The following AATK variants were observed in gnomAD, a reference collection of about 807,000 sequenced individuals.
The protein encoded by AATK is serine/threonine-protein kinase LMTK1.
Under a neutral mutation model 114.3 loss-of-function variants are expected in AATK, and 91 were observed. That is an observed-to-expected ratio of 0.80 (90% CI 0.67 to 0.95). The LOEUF (loss-of-function observed/expected upper bound fraction) is 0.95, where lower values mean the gene tolerates loss of function less well. AATK is among the 40% of genes least tolerant of loss of function. The probability of loss-of-function intolerance (pLI) is 0.00; values close to 1 mark genes in which losing one functional copy is unlikely to be tolerated. For synonymous variants in AATK, 1,075 were observed against 916.5 expected (o/e 1.17, Z -3.12); for missense variants, 2,176 against 1,965.2 (o/e 1.11, Z -2.03).
At chr17:81,140,518 T>A (rs2061106180) in intron 1 of AATK, among the ~76,000 whole-genome samples, 1 of 152,136 alleles carries the variant, frequency 6.6e-6, no homozygotes, top group South Asian at 2.1e-4. Context: ...GCAGGCGGGA[T>A]TTAGGTAAGG....
rs1555689595 is a variant in AATK at position 81,119,342 on chromosome 17, C to CCACGTGCCCTACCTCT, written c.4084+37_4084+38insAGAGGTAGGGCACGTG. On this transcript the variant is annotated intron_variant, in intron 13 of 13. Transcript: ENST00000326724. ...CCCTCGGAGCTCCGTGCCCTGCCTC[C>CCACGTGCCCTACCTCT]CGCGTGCCCTTCTGCCACAGCCCCG... 4.7e-6 allele frequency: 7 copies of CCACGTGCCCTACCTCT among 1,481,006 alleles called. No homozygotes were observed. The Admixed American group carries it at 6.8e-5, about 14-fold the overall frequency. 91.7% of individuals were successfully genotyped at this position (1,481,006 alleles called of 1,614,324 possible).
rs1178168101 is a variant in AATK, at chr17:81,126,925, C to T, written c.622-365G>A. On this transcript the variant is annotated intron_variant, in intron 6 of 13. Transcript: ENST00000326724. The surrounding 1 kb of genome is among the most constrained non-coding windows in gnomAD (Gnocchi z 5.1). ...CCCTGACCTGCCGAAAGCCCAGCCC[C>T]GGGACGGTCAACGTCAGGAGTCCAG... 1.7e-5 allele frequency: 17 copies of T among 973,184 alleles called. No individual in the cohort carries two copies. In the East Asian group the frequency reaches 2.4e-4, roughly 14 times the overall value. The allele number at this position is 973,184 out of a possible 1,614,324, so 60.3% of individuals were successfully genotyped here. A position where few individuals can be genotyped will look rare whatever the true frequency, so the allele number is the denominator to read the frequency against.
In AATK at chr17:81,118,333, A is replaced by T; in HGVS notation, c.*69T>A. ...GGACGTGGTCCCCACCTTCTCGGTC[A>T]CCATCCTCGCTGCTGCCTGGCAGGG... On this transcript the variant is annotated 3_prime_UTR_variant, in exon 14 of 14. Transcript: ENST00000326724. The T allele has an allele frequency of 6.6e-7, 1 of 1,506,604 alleles. No individual in the cohort carries two copies. Among genetic ancestry groups the T allele is most frequent in the Non-Finnish European group, 9.0e-7 (1 of 1,110,862 alleles). The allele number at this position is 1,506,604 out of a possible 1,614,324, so 93.3% of individuals were successfully genotyped here. A position where few individuals can be genotyped will look rare whatever the true frequency, so the allele number is the denominator to read the frequency against.
chr17:81,148,311 T>C (rs1168787127), intron 1 of AATK, among the ~76,000 whole-genome samples: 1 of 152,204 alleles, frequency 6.6e-6, no homozygotes, highest in African/African-American at 2.4e-5. Context: ...CCACCTGCCC[T>C]GGGGTCTCCG....
At chr17:81,165,699 C>G in intron 1 of AATK, 1 of 1,516,102 alleles carries the variant, frequency 6.6e-7, no homozygotes, top group Non-Finnish European at 8.8e-7. Context: ...CTGGAGGCAG[C>G]CACGGAGTCA....
Position 81,122,371 on chromosome 17 carries a change from T to G in AATK, c.1565A>C (p.His522Pro). The G allele has an allele frequency of 6.7e-7, 1 of 1,501,114 alleles. No individual in the cohort carries two copies. The highest frequency in any genetic ancestry group is 8.9e-7 in the Non-Finnish European group (1 of 1,129,464). 93.0% of individuals were successfully genotyped at this position (1,501,114 alleles called of 1,614,324 possible). A position where few individuals can be genotyped will look rare whatever the true frequency, so the allele number is the denominator to read the frequency against. The change falls in exon 11 of 14, where the codon CAC becomes CCC. Residue 522 changes from histidine (H) to proline (P), a missense_variant. Physicochemically the swap from His to Pro is moderately conservative, Grantham distance 77 (BLOSUM62 -2). Coordinates refer to ENST00000326724, the MANE Select transcript of AATK (RefSeq NM_001080395.3). ...PPGVVPVLSA[H>P]SPSLGSEYFI... Reference sequence around the variant, plus strand: ...GTACTCGCTGCCCAGCGACGGGCTGTGCGCGCTGAGCACCGGAACCACGCC... The same window carrying G: ...GTACTCGCTGCCCAGCGACGGGCTGGGCGCGCTGAGCACCGGAACCACGCC...
In AATK at chr17:81,121,618, C is replaced by T. The variant is rs2060700688; in HGVS notation, c.2318G>A (p.Gly773Asp). Residue 773 changes from glycine to aspartate, a missense_variant, in exon 11 of 14, where the codon GGT becomes GAT. Physicochemically the swap from Gly to Asp is moderately conservative, Grantham distance 94. Transcript: ENST00000326724. ...PSWTETASSG[G>D]DHPQAEPKLA... is the part of the protein sequence containing the mutation. ...CTTGGGCTCTGCCTGCGGGTGGTCACCCCCACTACTGGCTGTCTCTGTCCA... is the reference window on the plus strand; with the variant it reads ...CTTGGGCTCTGCCTGCGGGTGGTCATCCCCACTACTGGCTGTCTCTGTCCA... 1.3e-6 allele frequency: 2 copies of T among 1,494,556 alleles called. No individual in the cohort carries two copies. The highest frequency in any genetic ancestry group is 1.8e-6 in the Non-Finnish European group (2 of 1,124,112). The allele number at this position is 1,494,556 out of a possible 1,614,324, so 92.6% of individuals were successfully genotyped here.
chr17:81,138,432 C>A (rs1235514662), intron 1 of AATK, among the ~76,000 whole-genome samples: 3 of 134,508 alleles, frequency 2.2e-5, no homozygotes, highest in Admixed American at 1.6e-4. Context: ...CATACACATG[C>A]AAACACACCC....
chr17:81,119,205 GCC>G lies in AATK; in HGVS notation c.4084+173_4084+174del, dbSNP rs879666446. Among the ~76,000 whole-genome samples the G allele has an allele frequency of 6.3e-3, 949 of 149,680 alleles. 4 individuals are homozygous for G. Among genetic ancestry groups the G allele is most frequent in the Middle Eastern group, 0.018 (5 of 284 alleles). On this transcript the variant is annotated intron_variant, in intron 13 of 13. Coordinates refer to ENST00000326724, the MANE Select transcript of AATK (RefSeq NM_001080395.3). Reference sequence around the variant, plus strand: ...AGGGTCAGGTGAGGGCCAGGCGAGGGCCAGGCGGGGTCCAGGCTAGGTCTGGG... The same window carrying G: ...AGGGTCAGGTGAGGGCCAGGCGAGGGAGGCGGGGTCCAGGCTAGGTCTGGG...
Position 81,119,462 on chromosome 17 carries a change from G to A in AATK, c.4002C>T (p.Phe1334=), listed in dbSNP as rs2060659518. ...PAAPTPTPAP[F]SRFTVSPAPT... is the part of the protein sequence containing the mutation. ...GCGCGGGCGACACCGTGAAGCGCGA[G>A]AAGGGAGCGGGCGTGGGCGTGGGCG... The change falls in exon 13 of 14, where the codon TTC becomes TTT. Residue 1334 remains phenylalanine (F), a synonymous_variant. Transcript: ENST00000326724. 6 of 1,508,030 alleles carry A rather than the reference G, an allele frequency of 4.0e-6. No homozygotes were observed. The highest frequency in any genetic ancestry group is 5.3e-6 in the Non-Finnish European group (6 of 1,132,910). The allele number at this position is 1,508,030 out of a possible 1,614,324, so 93.4% of individuals were successfully genotyped here.
In AATK at chr17:81,122,708, ACTC is replaced by A. The variant is rs770976567; in HGVS notation, c.1225_1227del (p.Glu409del). On this transcript the variant is annotated inframe_deletion, in exon 11 of 14. Coordinates refer to ENST00000326724, the MANE Select transcript of AATK (RefSeq NM_001080395.3). ...CGCAGAGAGCGCCAGCGCCGTTCAAACTCCTCCTCTGCTTCGGTGGCGCCCTTG... is the reference window on the plus strand; with the variant it reads ...CGCAGAGAGCGCCAGCGCCGTTCAAACTCCTCTGCTTCGGTGGCGCCCTTG... The A allele has an allele frequency of 4.2e-5, 67 of 1,579,144 alleles. No individual in the cohort carries two copies. Among genetic ancestry groups the A allele is most frequent in the Non-Finnish European group, 1.3e-5 (15 of 1,163,574 alleles).
intron 7 of AATK, chr17:81,125,938 T>G: frequency 2.1e-6 from 1 of 478,836 alleles, no homozygotes; most frequent in Non-Finnish European, 4.3e-6. Flanking sequence ...AGCACCAGGA[T>G]ATTGTTGGAG....
intron 1 of AATK, among the ~76,000 whole-genome samples, chr17:81,156,730 T>C (rs1342319905): frequency 6.6e-6 from 1 of 152,218 alleles, no homozygotes; most frequent in East Asian, 1.9e-4. Flanking sequence ...TAAATCATTT[T>C]TTTCCTGAAT....
In AATK at chr17:81,165,681, C is replaced by G. The variant is rs117546586; in HGVS notation, c.55+257G>C. The G allele has an allele frequency of 6.1e-3, 9,212 of 1,512,284 alleles. 43 individuals are homozygous for G. The highest frequency in any genetic ancestry group is 7.4e-3 in the Non-Finnish European group (8,329 of 1,131,848). 93.7% of individuals were successfully genotyped at this position (1,512,284 alleles called of 1,614,324 possible). A position where few individuals can be genotyped will look rare whatever the true frequency, so the allele number is the denominator to read the frequency against. The stretch of plus-strand genomic sequence containing the variant: ...ACGCAGGCCCTCCGTGCCCCAGTTA[C>G]CTGTGCCCTGGAGGCAGCCACGGAG... On this transcript the variant is annotated intron_variant, in intron 1 of 13. Coordinates refer to ENST00000326724, the MANE Select transcript of AATK (RefSeq NM_001080395.3).
intron 13 of AATK, 59 bp from the exon 14 acceptor site, chr17:81,118,501 C>A (rs772922614): frequency 8.3e-6 from 13 of 1,561,598 alleles, no homozygotes; most frequent in East Asian, 2.4e-5. Context: ...CTGCCTCCCC[C>A]GCAACTCCCA....
intron 11 of AATK, 32 bp downstream of exon 11, chr17:81,120,168 GC>G (rs2060681765): frequency 1.3e-6 from 2 of 1,541,660 alleles, no homozygotes; most frequent in East Asian, 2.3e-5. Context: ...GCGACCCCCA[GC>G]CCCGGGCAGA....
In AATK at chr17:81,119,255, AAGGAGCG is replaced by A. The variant is rs1386900967; in HGVS notation, c.4084+118_4084+124del. 92 of 938,988 alleles carry A rather than the reference AAGGAGCG, an allele frequency of 9.8e-5. 1 individual carries two copies. In the East Asian group the frequency reaches 1.7e-3, roughly 17 times the overall value. The allele number at this position is 938,988 out of a possible 1,614,324, so 58.2% of individuals were successfully genotyped here. A position where few individuals can be genotyped will look rare whatever the true frequency, so the allele number is the denominator to read the frequency against. Reference sequence around the variant, plus strand: ...GGGGCCGGGAAGGAGCGGGGCCGGGAAGGAGCGGAGCGGAGCGGAGCCGGGGCTGGCC... The same window carrying A: ...GGGGCCGGGAAGGAGCGGGGCCGGGAGAGCGGAGCGGAGCCGGGGCTGGCC... On this transcript the variant is annotated intron_variant, in intron 13 of 13. Coordinates refer to ENST00000326724, the MANE Select transcript of AATK (RefSeq NM_001080395.3).
At position 81,139,386 on chromosome 17, in the gene AATK, G is replaced by A. The variant is rs115529449; in HGVS notation, c.56-4885C>T. 1.6e-3 allele frequency among the ~76,000 whole-genome samples: 251 copies of A among 152,322 alleles called. 1 individual carries two copies. The highest frequency in any genetic ancestry group is 5.9e-3 in the African/African-American group (244 of 41,568). ...CCGCACTCTTCCCAAATACGAGAAGGGGTACCTGGGACCTCAGCCCAGAAA... is the reference window on the plus strand; with the variant it reads ...CCGCACTCTTCCCAAATACGAGAAGAGGTACCTGGGACCTCAGCCCAGAAA... On this transcript the variant is annotated intron_variant, in intron 1 of 13. Coordinates refer to ENST00000326724, the MANE Select transcript of AATK (RefSeq NM_001080395.3).
At chr17:81,140,785 C>T (rs2061117209) in intron 1 of AATK, among the ~76,000 whole-genome samples, 1 of 111,554 alleles carries the variant, frequency 9.0e-6, no homozygotes, top group Non-Finnish European at 1.8e-5. Context: ...GGCGGTGAGA[C>T]CGTGGGGCCG....
Sources: gnomAD v4.1 joint callset for allele counts (sites outside exome capture counted in the v4.1 genomes callset) on GRCh38, gnomAD v4.1.1 for gene constraint, Gnocchi (gnomAD v3.1) non-coding constraint, MANE v1.5 for transcripts, NCBI Gene and HGNC (gene_info 2026-07-23, HGNC 2026-07-21) for gene names.